ATXN3: variants seen among roughly 807,000 people sequenced by gnomAD.
The protein encoded by ATXN3 is ataxin-3.
Under a neutral mutation model 58.2 loss-of-function variants are expected in ATXN3, and 28 were observed. The ratio of observed to expected loss-of-function variants is 0.48; its 90% CI spans 0.36 to 0.66. ATXN3 has a LOEUF of 0.66. Among genes scored for constraint, ATXN3 ranks in the 30% least tolerant of loss-of-function variants. The pLI is 0.00. For missense variants in ATXN3, 321 were observed against 422.1 expected (o/e 0.76, Z 2.10); for synonymous variants, 113 against 138.5 (o/e 0.82, Z 1.29).
At chr14:92,082,687 C>T (rs1333963516) in intron 7 of ATXN3, among the ~76,000 whole-genome samples, 6 of 145,420 alleles carry the variant, frequency 4.1e-5, no homozygotes, top group Non-Finnish European at 7.5e-5. Flanking sequence ...CTGACTCTCT[C>T]GACCAGGCTG....
At chr14:92,080,001 A>T (rs1160396695) in intron 9 of ATXN3, among the ~76,000 whole-genome samples, 1 of 152,100 alleles carries the variant, frequency 6.6e-6, no homozygotes, top group Non-Finnish European at 1.5e-5. Flanking sequence ...GCCTCCTAAA[A>T]TGGTGGGATT....
At chr14:92,072,621 T>C (rs1033274392) in intron 9 of ATXN3, among the ~76,000 whole-genome samples, 2 of 147,088 alleles carry the variant, frequency 1.4e-5, no homozygotes, top group Non-Finnish European at 3.0e-5. Context: ...ATTTCATATA[T>C]GTAAATACAA....
intron 9 of ATXN3, chr14:92,077,734 C>T (rs1382777476): frequency 6.6e-6 from 1 of 151,902 alleles, no homozygotes; most frequent in African/African-American, 2.4e-5. Flanking sequence ...CAACCTCCAC[C>T]TCTGGGTTCA....
intron 3 of ATXN3, 119 bp downstream of exon 3, chr14:92,095,962 CTCTAGAGTATAA>C (rs2065127795): frequency 2.6e-6 from 2 of 770,068 alleles, no homozygotes; most frequent in Admixed American, 4.5e-5. Flanking sequence ...AAATCTAGTA[CTCTAGAGTATAA>C]TCTATACTCT....
At position 92,082,322 on chromosome 14, in the gene ATXN3, C is replaced by T. The variant is rs771181207; in HGVS notation, c.753G>A (p.Arg251=). The T allele has an allele frequency of 2.5e-6, 4 of 1,613,918 alleles. No homozygotes were observed. The highest frequency in any genetic ancestry group is 3.4e-6 in the Non-Finnish European group (4 of 1,180,006). ...TACCTTGCATACTTAGCTGAATAGC[C>T]CTGCGGAGATCTGCTTCCTCATCTT... ...DMEDEEADLR[R]AIQLSMQGSS... Residue 251 remains arginine (R), a synonymous_variant, in exon 8 of 11, where the codon AGG becomes AGA. Coordinates refer to ENST00000644486, the MANE Select transcript of ATXN3 (RefSeq NM_004993.6).
upstream of ATXN3, among the ~76,000 whole-genome samples, chr14:92,050,904 G>A (rs1339700909): frequency 2.0e-5 from 3 of 152,076 alleles, no homozygotes; most frequent in Non-Finnish European, 2.9e-5. Flanking sequence ...ATGAACCACC[G>A]CACCCAGCCA....
intron 9 of ATXN3, among the ~76,000 whole-genome samples, chr14:92,078,914 A>G (rs1441837098): frequency 6.6e-6 from 1 of 151,998 alleles, no homozygotes; most frequent in Non-Finnish European, 1.5e-5. Flanking sequence ...GGCCGGGCTC[A>G]GTGGCTCATG....
downstream of ATXN3, chr14:92,058,290 C>G (rs867909691): frequency 6.6e-6 from 1 of 152,172 alleles, no homozygotes; most frequent in South Asian, 2.1e-4. Flanking sequence ...CGAGTGTAGC[C>G]TGAAACTCTG....
chr14:92,091,455 G>GA (rs1566965130), intron 5 of ATXN3, among the ~76,000 whole-genome samples: 10 of 150,652 alleles, frequency 6.6e-5, no homozygotes, highest in South Asian at 2.1e-4. Context: ...CGTCTCAAAA[G>GA]AAGGAAAGAA....
At chr14:92,051,718 C>CGTTTT (rs2057448563), upstream of ATXN3, among the ~76,000 whole-genome samples, 2 of 35,692 alleles carry the variant, frequency 5.6e-5, no homozygotes, top group Non-Finnish European at 1.0e-4. Context: ...CTTTTCCTTT[C>CGTTTT]TTTTTTTTTT....
intron 10 of ATXN3, among the ~76,000 whole-genome samples, chr14:92,065,325 C>T (rs2058192970): frequency 1.3e-5 from 2 of 152,288 alleles, no homozygotes; most frequent in South Asian, 4.1e-4. Flanking sequence ...GTATTACATG[C>T]TATGGATGTA....
At chr14:92,096,365 C>T in intron 2 of ATXN3, 1 of 1,357,434 alleles carries the variant, frequency 7.4e-7, no homozygotes, top group Non-Finnish European at 9.7e-7. Context: ...TGGCTCACAC[C>T]TATAATCCCA....
intron 3 of ATXN3, among the ~76,000 whole-genome samples, chr14:92,095,597 A>C (rs1480018140): frequency 6.6e-6 from 1 of 151,898 alleles, no homozygotes; most frequent in Non-Finnish European, 1.5e-5. Flanking sequence ...TCAAGAAGGA[A>C]TTTTTAAATG....
intron 10 of ATXN3, among the ~76,000 whole-genome samples, chr14:92,066,532 T>C (rs1373157521): frequency 6.6e-6 from 1 of 151,970 alleles, no homozygotes; most frequent in East Asian, 1.9e-4. Context: ...AGACAAATCG[T>C]TAATTTTCCC....
downstream of ATXN3, among the ~76,000 whole-genome samples, chr14:92,055,179 G>A (rs1403000100): frequency 6.6e-6 from 1 of 152,068 alleles, no homozygotes; most frequent in Non-Finnish European, 1.5e-5. This position sits in a 1 kb window ranked among gnomAD's most constrained non-coding sequence, Gnocchi z 4.5. Context: ...CCGTGCCGGG[G>A]AGGATTTTTT....
chr14:92,081,057 A>T lies in ATXN3; in HGVS notation c.780T>A (p.Ser260Arg). Residue 260 changes from serine (S) to arginine (R), a missense_variant, in exon 9 of 11, where the codon AGT becomes AGA. Transcript: ENST00000644486. ...TCATATCTTGAGATATGTTTCTGGA[A>T]CTACCTGAAAACAAAACACAACACA... is the stretch of plus-strand genomic sequence containing the variant. ...RRAIQLSMQG[S>R]SRNISQDMTQ... is the part of the protein sequence containing the mutation. 2 of 1,598,958 alleles carry T rather than the reference A, an allele frequency of 1.3e-6. No homozygotes were observed. Among genetic ancestry groups the T allele is most frequent in the East Asian group, 2.2e-5 (1 of 44,770 alleles).
At chr14:92,076,790 A>G (rs1052319483) in intron 9 of ATXN3, among the ~76,000 whole-genome samples, 7 of 151,768 alleles carry the variant, frequency 4.6e-5, no homozygotes, top group African/African-American at 1.7e-4. Flanking sequence ...AGACACAAAA[A>G]TTAGCCAGGC....
At position 92,060,843 on chromosome 14, in the gene ATXN3, C is replaced by T. The variant is rs1345700342; in HGVS notation, c.*3477G>A. On this transcript the variant is annotated 3_prime_UTR_variant, in exon 11 of 11. Coordinates refer to ENST00000644486, the MANE Select transcript of ATXN3 (RefSeq NM_004993.6). ...TGTCGCCAGGGTTCAAGCAATTCTC[C>T]TGCCTCAGACTCCCAGGTAGCTGGG... 6.6e-6 allele frequency: 1 copy of T among 151,940 alleles called. No homozygotes were observed. Among genetic ancestry groups the T allele is most frequent in the East Asian group, 1.9e-4 (1 of 5,164 alleles). The allele number at this position is 151,940 out of a possible 1,614,324, so 9.4% of individuals were successfully genotyped here.
intron 2 of ATXN3, chr14:92,045,013 A>G (rs1427237398): frequency 1.3e-5 from 2 of 152,292 alleles, no homozygotes. Flanking sequence ...CTAGCCTGCC[A>G]GAGGACTGGA....
Sources: gnomAD v4.1 joint callset for allele counts (sites outside exome capture counted in the v4.1 genomes callset) on GRCh38, gnomAD v4.1.1 for gene constraint, Gnocchi (gnomAD v3.1) non-coding constraint, MANE v1.5 for transcripts, NCBI Gene and HGNC (gene_info 2026-07-23, HGNC 2026-07-21) for gene names.